PCDHGB5: variants seen among roughly 807,000 people sequenced by gnomAD.
PCDHGB5 encodes the protein protocadherin gamma-B5.
In PCDHGB5, 48 loss-of-function variants were observed where a neutral mutation model predicts 62.9. The observed-to-expected ratio is 0.76, with a 90% CI of 0.61 to 0.97. The LOEUF is 0.97. Among genes scored for constraint, PCDHGB5 ranks in the 50% least tolerant of loss-of-function variants. PCDHGB5 has a pLI of 0.00. For missense variants in PCDHGB5, 1,118 were observed against 1,198.6 expected (o/e 0.93, Z 0.99); for synonymous variants, 474 against 511.2 (o/e 0.93, Z 0.98).
At position 141,413,202 on chromosome 5, in the gene PCDHGB5, GGAATC is replaced by G. The variant is rs766359797; in HGVS notation, c.2397+12679_2397+12683del. 6.8e-6 allele frequency: 11 copies of G among 1,611,944 alleles called. No homozygotes were observed. The East Asian group carries it at 2.2e-4, about 33-fold the overall frequency. On this transcript the variant is annotated intron_variant, in intron 1 of 3. Coordinates refer to ENST00000617380, the MANE Select transcript of PCDHGB5 (RefSeq NM_018925.3). ...TGGCCGCTCAAAGGAATCGCTCAAAGGAATCAAAGGATTGCAGCGGGCTGGTCCTG... is the reference window on the plus strand; with the variant it reads ...TGGCCGCTCAAAGGAATCGCTCAAAGAAAGGATTGCAGCGGGCTGGTCCTG...
rs763072566 is a variant in PCDHGB5 at position 141,419,417 on chromosome 5, T to G, written c.2397+18893T>G. The stretch of plus-strand genomic sequence containing the variant: ...CGGGGTGGTGTTCGCGCAGCGCGCC[T>G]TCGACCACGAGCAGCTGCGCACCTT... On this transcript the variant is annotated intron_variant, in intron 1 of 3. Transcript: ENST00000617380. 3.0e-5 allele frequency: 48 copies of G among 1,613,288 alleles called. No homozygotes were observed. Among genetic ancestry groups the G allele is most frequent in the Non-Finnish European group, 3.8e-5 (45 of 1,179,884 alleles).
rs759146011 is a variant in PCDHGB5, at chr5:141,477,635, G to A, written c.2398-17172G>A. 6.2e-7 allele frequency: 1 copy of A among 1,614,138 alleles called. No homozygotes were observed. The highest frequency in any genetic ancestry group is 8.5e-7 in the Non-Finnish European group (1 of 1,180,040). On this transcript the variant is annotated intron_variant, in intron 1 of 3. Coordinates refer to ENST00000617380, the MANE Select transcript of PCDHGB5 (RefSeq NM_018925.3). This position sits in a 1 kb window ranked among gnomAD's most constrained non-coding sequence, Gnocchi z 4.9. ...GCAAGGAGCTGAAACCGGGCTAGTG[G>A]GTCGCTATTTCACAATAAATCGTGA...
In PCDHGB5 at chr5:141,485,556, A is replaced by T; in HGVS notation, c.2398-9251A>T. On this transcript the variant is annotated intron_variant, in intron 1 of 3. Coordinates refer to ENST00000617380, the MANE Select transcript of PCDHGB5 (RefSeq NM_018925.3). This position sits in a 1 kb window ranked among gnomAD's most constrained non-coding sequence, Gnocchi z 5.7. ...GAGGTAGAGATCGTAGATGTGAATG[A>T]TCACGCCCCCCGTTTTCCGCGGCAG... is the stretch of plus-strand genomic sequence containing the variant. The T allele has an allele frequency of 6.2e-7, 1 of 1,613,664 alleles. No homozygotes were observed. Among genetic ancestry groups the T allele is most frequent in the Non-Finnish European group, 8.5e-7 (1 of 1,179,644 alleles).
intron 1 of PCDHGB5, chr5:141,421,280 G>A (rs564480755): frequency 1.2e-6 from 2 of 1,612,948 alleles, no homozygotes; most frequent in South Asian, 2.2e-5. Context: ...CTGCTGCTGT[G>A]CATTTTCCTG....
At position 141,491,872 on chromosome 5, in the gene PCDHGB5, G is replaced by A; in HGVS notation, c.2398-2935G>A. On this transcript the variant is annotated intron_variant, in intron 1 of 3. Transcript: ENST00000617380. The surrounding 1 kb of genome is among the most constrained non-coding windows in gnomAD (Gnocchi z 6.9). ...CCGTTTGCGCGAAACCAGAGTGGCCGATTAAGGGATGGGGCTCCGAGCACC... is the reference window on the plus strand; with the variant it reads ...CCGTTTGCGCGAAACCAGAGTGGCCAATTAAGGGATGGGGCTCCGAGCACC... 6.9e-7 allele frequency: 1 copy of A among 1,452,190 alleles called. No individual in the cohort carries two copies. The highest frequency in any genetic ancestry group is 9.1e-7 in the Non-Finnish European group (1 of 1,098,644). The allele number at this position is 1,452,190 out of a possible 1,614,324, so 90.0% of individuals were successfully genotyped here.
rs535194185 is a variant in PCDHGB5, at chr5:141,485,480, A to C, written c.2398-9327A>C. 6.2e-7 allele frequency: 1 copy of C among 1,614,154 alleles called. No individual in the cohort carries two copies. The highest frequency in any genetic ancestry group is 1.7e-5 in the Admixed American group (1 of 60,020). On this transcript the variant is annotated intron_variant, in intron 1 of 3. Coordinates refer to ENST00000617380, the MANE Select transcript of PCDHGB5 (RefSeq NM_018925.3). This position sits in a 1 kb window ranked among gnomAD's most constrained non-coding sequence, Gnocchi z 5.7. The stretch of plus-strand genomic sequence containing the variant: ...ACTGTGTGGGCTCAGTGCCAGCTGC[A>C]TCGTGCCCCTGGAGTTTGTCACCGA...
intron 2 of PCDHGB5, 80 bp downstream of exon 2, chr5:141,494,945 C>G (rs2099757788): frequency 6.2e-7 from 1 of 1,608,958 alleles, no homozygotes; most frequent in Non-Finnish European, 8.5e-7. Flanking sequence ...GGGGGAGGGC[C>G]CAGCATTTGC....
At chr5:141,401,657 G>T (rs1398256315) in intron 1 of PCDHGB5, among the ~76,000 whole-genome samples, 3 of 152,204 alleles carry the variant, frequency 2.0e-5, no homozygotes, top group Non-Finnish European at 4.4e-5. Context: ...ATGACTGGAT[G>T]TTTTCTCAAC....
At position 141,485,122 on chromosome 5, in the gene PCDHGB5, G is replaced by C. The variant is rs1000179570; in HGVS notation, c.2398-9685G>C. The stretch of plus-strand genomic sequence containing the variant: ...CAGCTGCTGTGGCTGTTTGGGGCGG[G>C]TCGGCTTCATCCGCGTCTCAGGAGC... On this transcript the variant is annotated intron_variant, in intron 1 of 3. Transcript: ENST00000617380. This position sits in a 1 kb window ranked among gnomAD's most constrained non-coding sequence, Gnocchi z 5.7. The C allele has an allele frequency of 4.3e-6, 6 of 1,387,506 alleles. No individual in the cohort carries two copies. In the African/African-American group the frequency reaches 8.5e-5, roughly 20 times the overall value. The allele number at this position is 1,387,506 out of a possible 1,614,324, so 85.9% of individuals were successfully genotyped here. A position where few individuals can be genotyped will look rare whatever the true frequency, so the allele number is the denominator to read the frequency against.
chr5:141,478,851 C>T, intron 1 of PCDHGB5: 1 of 1,374,810 alleles, frequency 7.3e-7, no homozygotes, highest in Non-Finnish European at 9.6e-7. Context: ...AGCTAAAACA[C>T]AAGATCTCAG....
rs1264130543 is a variant in PCDHGB5 at position 141,485,467 on chromosome 5, C to T, written c.2398-9340C>T. 2 of 1,614,112 alleles carry T rather than the reference C, an allele frequency of 1.2e-6. No homozygotes were observed. The highest frequency in any genetic ancestry group is 1.7e-6 in the Non-Finnish European group (2 of 1,180,024). On this transcript the variant is annotated intron_variant, in intron 1 of 3. Transcript: ENST00000617380. The surrounding 1 kb of genome is among the most constrained non-coding windows in gnomAD (Gnocchi z 5.7). ...TCGACCGAGAGGCACTGTGTGGGCT[C>T]AGTGCCAGCTGCATCGTGCCCCTGG... is the stretch of plus-strand genomic sequence containing the variant.
At chr5:141,504,476 A>G (rs998883721) in intron 2 of PCDHGB5, among the ~76,000 whole-genome samples, 4 of 152,016 alleles carry the variant, frequency 2.6e-5, no homozygotes, top group African/African-American at 9.7e-5. Context: ...GGATGGGAGT[A>G]CAGTGGAGGC....
Position 141,487,532 on chromosome 5 carries a change from A to T in PCDHGB5, c.2398-7275A>T. 6.2e-7 allele frequency: 1 copy of T among 1,614,158 alleles called. No homozygotes were observed. The highest frequency in any genetic ancestry group is 8.5e-7 in the Non-Finnish European group (1 of 1,180,022). ...ACCCACTCGGAGTGATAGCTTCATG[A>T]TGGTGAAGTCACCCAGTGCACCTAT... is the stretch of plus-strand genomic sequence containing the variant. On this transcript the variant is annotated intron_variant, in intron 1 of 3. Transcript: ENST00000617380. This position sits in a 1 kb window ranked among gnomAD's most constrained non-coding sequence, Gnocchi z 5.0.
chr5:141,433,255 A>G (rs2097579829), intron 1 of PCDHGB5: 2 of 1,401,470 alleles, frequency 1.4e-6, no homozygotes, highest in South Asian at 1.4e-5. Context: ...ATGCAGCGGT[A>G]CGATCATAGC....
chr5:141,480,380 A>C (rs1192159457), intron 1 of PCDHGB5, among the ~76,000 whole-genome samples: 3 of 151,970 alleles, frequency 2.0e-5, no homozygotes, highest in African/African-American at 4.8e-5. Context: ...GCACCACTAC[A>C]CTTCAACCAT....
intron 1 of PCDHGB5, chr5:141,405,433 T>G (rs539486666): frequency 2.0e-6 from 3 of 1,471,752 alleles, no homozygotes; most frequent in Admixed American, 3.9e-5. Flanking sequence ...TTTTGTTTTG[T>G]TTTTGAGACA....
chr5:141,504,583 A>C (rs1230825472), intron 2 of PCDHGB5, among the ~76,000 whole-genome samples: 5 of 146,622 alleles, frequency 3.4e-5, no homozygotes, highest in Non-Finnish European at 7.4e-5. Context: ...CCATCTGCCC[A>C]GGATTCACAG....
Position 141,489,087 on chromosome 5 carries a change from TGA to T in PCDHGB5, c.2398-5719_2398-5718del. The T allele has an allele frequency of 4.6e-6, 1 of 216,098 alleles. No individual in the cohort carries two copies. 13.4% of individuals were successfully genotyped at this position (216,098 alleles called of 1,614,324 possible). ...CCCCCTGCCCACCCCCGCCACTCGGTGACTAAGAACTGCTGCAAGCAGGCAAA... is the reference window on the plus strand; with the variant it reads ...CCCCCTGCCCACCCCCGCCACTCGGTCTAAGAACTGCTGCAAGCAGGCAAA... On this transcript the variant is annotated intron_variant, in intron 1 of 3. Transcript: ENST00000617380. The surrounding 1 kb of genome is among the most constrained non-coding windows in gnomAD (Gnocchi z 4.5).
chr5:141,425,500 T>C (rs2096879850), intron 1 of PCDHGB5, among the ~76,000 whole-genome samples: 1 of 152,246 alleles, frequency 6.6e-6, no homozygotes, highest in South Asian at 2.1e-4. Context: ...GCTATACCTT[T>C]ATATTCTCTT....
Sources: allele counts gnomAD v4.1 joint callset (sites outside exome capture counted in the v4.1 genomes callset), GRCh38; gene constraint gnomAD v4.1.1; non-coding constraint Gnocchi (gnomAD v3.1); transcripts MANE v1.5; gene names NCBI Gene and HGNC (gene_info 2026-07-23, HGNC 2026-07-21).